RARB: variants seen among roughly 807,000 people sequenced by gnomAD.
RARB encodes retinoic acid receptor beta.
A neutral mutation model predicts 51.9 loss-of-function variants in RARB; 17 were observed. That is an observed-to-expected ratio of 0.33 (90% CI 0.22 to 0.49). The LOEUF is 0.49. Ranked by LOEUF, RARB falls within the 20% of genes least tolerant of loss-of-function variation. The probability of loss-of-function intolerance (pLI) is 0.99; values close to 1 mark genes in which losing one functional copy is unlikely to be tolerated. For synonymous variants in RARB, 215 were observed against 195.4 expected (o/e 1.10, Z -0.84); for missense variants, 369 against 550.8 (o/e 0.67, Z 3.30).
chr3:25,360,599 G>C (rs1417816218), intron 5 of RARB, among the ~76,000 whole-genome samples: 1 of 152,112 alleles, frequency 6.6e-6, no homozygotes, highest in Non-Finnish European at 1.5e-5. Context: ...GTTTGTTTTT[G>C]CAGTTGGCTG....
At chr3:25,463,044 GC>G (rs1298345809) in intron 2 of RARB, among the ~76,000 whole-genome samples, 1 of 152,072 alleles carries the variant, frequency 6.6e-6, no homozygotes, top group Non-Finnish European at 1.5e-5. Flanking sequence ...ACTTGAAAAA[GC>G]TTTTTTGTAG....
chr3:24,931,817 G>A (rs1197945579), intron 2 of RARB, among the ~76,000 whole-genome samples: 2 of 152,000 alleles, frequency 1.3e-5, no homozygotes, highest in Non-Finnish European at 2.9e-5. Context: ...AATAGTAGGG[G>A]CTCAACAAGA....
rs1704404141 is a variant in RARB at position 25,315,671 on chromosome 3, T to C, written c.178+141096T>C. 3.3e-5 allele frequency among the ~76,000 whole-genome samples: 5 copies of C among 152,178 alleles called. No individual in the cohort carries two copies. The South Asian group carries it at 1.0e-3, about 31-fold the overall frequency. On this transcript the variant is annotated intron_variant, in intron 5 of 11. Transcript: ENST00000383772. ...CTCTGTCGCCCAGGCTGGAGTACAG[T>C]GCCGCAGTCTCAGCTCACTGCAACC...
chr3:24,932,602 T>A (rs1695464495), intron 2 of RARB, among the ~76,000 whole-genome samples: 1 of 152,158 alleles, frequency 6.6e-6, no homozygotes, highest in Non-Finnish European at 1.5e-5. Context: ...GAAAGTCTTC[T>A]ATATGTTTAT....
At chr3:25,066,235 GTTTTCA>G (rs946928577) in intron 3 of RARB, among the ~76,000 whole-genome samples, 4 of 152,086 alleles carry the variant, frequency 2.6e-5, no homozygotes, top group African/African-American at 4.8e-5. Context: ...GTAATATTCA[GTTTTCA>G]TTTTCATAAG....
chr3:25,578,764 C>T (rs189016775), intron 4 of RARB, among the ~76,000 whole-genome samples: 1 of 152,326 alleles, frequency 6.6e-6, no homozygotes, highest in East Asian at 1.9e-4. Context: ...GTGTCTGTGG[C>T]ACCTCGTGCA....
chr3:24,997,858 C>T (rs958372057), intron 2 of RARB, among the ~76,000 whole-genome samples: 2 of 152,016 alleles, frequency 1.3e-5, no homozygotes, highest in Non-Finnish European at 2.9e-5. Flanking sequence ...GCATTATATC[C>T]AACTTCTTGA....
At chr3:25,564,316 C>T (rs1338502539) in intron 3 of RARB, among the ~76,000 whole-genome samples, 1 of 152,088 alleles carries the variant, frequency 6.6e-6, no homozygotes, top group Non-Finnish European at 1.5e-5. Context: ...AGCACTTAGC[C>T]CCTCACAAGG....
intron 3 of RARB, among the ~76,000 whole-genome samples, chr3:25,093,161 C>T (rs1199555175): frequency 1.3e-5 from 2 of 152,132 alleles, no homozygotes. Context: ...ACCATCTCAA[C>T]TGGATAATTA....
At chr3:25,509,632 G>T (rs1055094615) in intron 3 of RARB, among the ~76,000 whole-genome samples, 2 of 152,160 alleles carry the variant, frequency 1.3e-5, no homozygotes, top group African/African-American at 4.8e-5. Flanking sequence ...CAGAGATGCC[G>T]AGACATGTGT....
intron 5 of RARB, among the ~76,000 whole-genome samples, chr3:25,393,983 G>A (rs1004563560): frequency 6.6e-6 from 1 of 151,868 alleles, no homozygotes; most frequent in Non-Finnish European, 1.5e-5. Flanking sequence ...TGATTCTCTA[G>A]TTCCTTGAGG....
intron 5 of RARB, among the ~76,000 whole-genome samples, chr3:25,413,492 A>G (rs1192201958): frequency 1.3e-5 from 2 of 152,194 alleles, no homozygotes; most frequent in Non-Finnish European, 2.9e-5. Context: ...GGGTGTATAC[A>G]TAGAAATGGA....
At chr3:25,229,399 AAG>A (rs1702126263) in intron 5 of RARB, among the ~76,000 whole-genome samples, 1 of 152,144 alleles carries the variant, frequency 6.6e-6, no homozygotes, top group Admixed American at 6.6e-5. Flanking sequence ...AAGTACAAAA[AAG>A]TTTTAAAATT....
chr3:25,333,533 G>A (rs1396001169), intron 5 of RARB, among the ~76,000 whole-genome samples: 1 of 151,940 alleles, frequency 6.6e-6, no homozygotes. Flanking sequence ...AATTCAAGAT[G>A]GATTAAAGAC....
At chr3:25,425,698 C>G (rs1025084791), upstream of RARB, among the ~76,000 whole-genome samples, 4 of 152,120 alleles carry the variant, frequency 2.6e-5, no homozygotes, top group Non-Finnish European at 1.5e-5. Flanking sequence ...GAGAGACACA[C>G]TAATGTTGTT....
In RARB at chr3:25,415,443, A is replaced by G. The variant is rs575884064; in HGVS notation, c.179-45750A>G. 2.0e-5 allele frequency among the ~76,000 whole-genome samples: 3 copies of G among 152,202 alleles called. No homozygotes were observed. In the South Asian group the frequency reaches 6.2e-4, roughly 32 times the overall value. On this transcript the variant is annotated intron_variant, in intron 5 of 11. Coordinates refer to the RARB transcript ENST00000383772. ...TATGCAGTATATACCTCATTATTCCAGCACCATTTTTTGGAAAATACTATA... is the reference window on the plus strand; with the variant it reads ...TATGCAGTATATACCTCATTATTCCGGCACCATTTTTTGGAAAATACTATA...
chr3:25,471,524 T>TC (rs1695692509), intron 2 of RARB, among the ~76,000 whole-genome samples: 1 of 150,868 alleles, frequency 6.6e-6, no homozygotes, highest in Non-Finnish European at 1.5e-5. Flanking sequence ...TTTTTTTTTT[T>TC]CCTTCTGGTG....
chr3:24,986,011 A>G (rs1696786769), intron 2 of RARB, among the ~76,000 whole-genome samples: 1 of 152,258 alleles, frequency 6.6e-6, no homozygotes, highest in Non-Finnish European at 1.5e-5. Flanking sequence ...AAATATGAGC[A>G]TACTTTTCTC....
intron 5 of RARB, among the ~76,000 whole-genome samples, chr3:25,422,044 C>T (rs1707877990): frequency 6.6e-6 from 1 of 152,138 alleles, no homozygotes; most frequent in African/African-American, 2.4e-5. Flanking sequence ...CTGTTGCACC[C>T]TTGAAATATG....
Sources: gnomAD v4.1 joint callset for allele counts (sites outside exome capture counted in the v4.1 genomes callset) on GRCh38, gnomAD v4.1.1 for gene constraint, MANE v1.5 for transcripts, NCBI Gene and HGNC (gene_info 2026-07-23, HGNC 2026-07-21) for gene names.